EXOC6: variants seen among roughly 807,000 people sequenced by gnomAD.
EXOC6 encodes the protein SEC15-like 1.
In EXOC6, 60 loss-of-function variants were observed where a neutral mutation model predicts 112.5. That is an observed-to-expected ratio of 0.53 (90% CI 0.43 to 0.66). EXOC6 has a LOEUF of 0.66. Ranked by LOEUF, EXOC6 falls within the 30% of genes least tolerant of loss-of-function variation. The pLI is 0.00. For missense variants in EXOC6, 855 were observed against 957.1 expected (o/e 0.89, Z 1.41); for synonymous variants, 295 against 308.0 (o/e 0.96, Z 0.44).
At chr10:92,969,359 T>C (rs1267241804) in intron 17 of EXOC6, among the ~76,000 whole-genome samples, 1 of 152,132 alleles carries the variant, frequency 6.6e-6, no homozygotes, top group Admixed American at 6.5e-5. Flanking sequence ...TATTGAGTCT[T>C]ATTGCCAGCC....
intron 5 of EXOC6, among the ~76,000 whole-genome samples, chr10:92,905,824 T>C (rs1363970358): frequency 6.6e-6 from 1 of 152,124 alleles, no homozygotes; most frequent in Non-Finnish European, 1.5e-5. Flanking sequence ...AGTTGTTGGA[T>C]GAAGTATTCT....
chr10:92,949,153 CTTT>C (rs1403970771), intron 14 of EXOC6, among the ~76,000 whole-genome samples: 2 of 152,072 alleles, frequency 1.3e-5, no homozygotes, highest in African/African-American at 2.4e-5. Flanking sequence ...CCTTACTCTT[CTTT>C]ATTATTTTCC....
chr10:92,932,310 C>T (rs1852087172), intron 9 of EXOC6, among the ~76,000 whole-genome samples: 2 of 152,062 alleles, frequency 1.3e-5, no homozygotes, highest in East Asian at 3.9e-4. Context: ...GGATAATTCT[C>T]TACAAAAGAG....
chr10:92,956,836 A>G (rs1339495954), intron 17 of EXOC6, among the ~76,000 whole-genome samples: 2 of 152,114 alleles, frequency 1.3e-5, no homozygotes, highest in African/African-American at 2.4e-5. Flanking sequence ...CTTTAATGTA[A>G]ATGATTCCAG....
In EXOC6 at chr10:92,921,551, T is replaced by G. The variant is rs529841705; in HGVS notation, c.888+1501T>G. On this transcript the variant is annotated intron_variant, in intron 8 of 21. Coordinates refer to ENST00000260762, the MANE Select transcript of EXOC6 (RefSeq NM_019053.6). The stretch of plus-strand genomic sequence containing the variant: ...GTGTGAGCCACCTAGCCCAGCCTAT[T>G]TTCTTAGTATTAGCCCTGAGGATTG... 3.9e-5 allele frequency among the ~76,000 whole-genome samples: 6 copies of G among 152,094 alleles called. No homozygotes were observed. In the South Asian group the frequency reaches 1.2e-3, roughly 32 times the overall value.
intron 19 of EXOC6, among the ~76,000 whole-genome samples, chr10:93,008,448 A>AG (rs201072814): frequency 5.9e-5 from 9 of 152,206 alleles, no homozygotes; most frequent in South Asian, 4.2e-4. Context: ...ACACCATAAT[A>AG]GGGGGGGAAG....
chr10:92,909,716 T>A, intron 6 of EXOC6, 85 bp downstream of exon 6: 1 of 782,052 alleles, frequency 1.3e-6, no homozygotes, highest in East Asian at 2.8e-5. Flanking sequence ...TTAACTTACA[T>A]AAAATGCTTA....
At chr10:92,916,679 C>T (rs10786061) in intron 7 of EXOC6, among the ~76,000 whole-genome samples, 43,809 of 152,112 alleles carry the variant, frequency 0.29, 7,139 homozygotes, top group East Asian at 0.73. Flanking sequence ...AAAACCCTAA[C>T]CTCCTTTGTT....
upstream of EXOC6, among the ~76,000 whole-genome samples, chr10:92,834,486 A>G (rs112465063): frequency 2.1e-3 from 313 of 152,304 alleles, no homozygotes; most frequent in Middle Eastern, 3.4e-3. Context: ...AACTTTCCGA[A>G]CTGTGTCAAG....
chr10:92,914,555 A>G lies in EXOC6; in HGVS notation c.664-1203A>G, dbSNP rs145102333. ...TGGGAAACAATACTCTAAATAAATG[A>G]TTTTATACTCTGAGGACAGAAAATC... On this transcript the variant is annotated intron_variant, in intron 6 of 21. Transcript: ENST00000260762. 5.4e-3 allele frequency among the ~76,000 whole-genome samples: 815 copies of G among 152,322 alleles called. 2 individuals are homozygous for G. The highest frequency in any genetic ancestry group is 9.3e-3 in the Non-Finnish European group (632 of 68,030).
chr10:93,047,093 G>A (rs1182174690), intron 20 of EXOC6, among the ~76,000 whole-genome samples: 1 of 152,210 alleles, frequency 6.6e-6, no homozygotes, highest in Non-Finnish European at 1.5e-5. Flanking sequence ...TCAAATTTGT[G>A]TTTTAGCTAG....
chr10:92,929,641 TAAAG>T (rs1851917220), intron 9 of EXOC6, among the ~76,000 whole-genome samples: 1 of 152,148 alleles, frequency 6.6e-6, no homozygotes, highest in South Asian at 2.1e-4. Context: ...ACAGAAACTA[TAAAG>T]AATGACCAAA....
chr10:92,874,410 CT>C (rs1338044054), intron 1 of EXOC6, among the ~76,000 whole-genome samples: 2 of 142,976 alleles, frequency 1.4e-5, no homozygotes, highest in Non-Finnish European at 3.1e-5. Flanking sequence ...GCTTCCCATT[CT>C]TTATATTGTG....
chr10:92,930,506 A>ATAG (rs1428102907), intron 9 of EXOC6, among the ~76,000 whole-genome samples: 1 of 150,926 alleles, frequency 6.6e-6, no homozygotes, highest in African/African-American at 2.4e-5. Context: ...TCTGTCTCAA[A>ATAG]TAATAATAAT....
intron 20 of EXOC6, among the ~76,000 whole-genome samples, chr10:93,035,303 T>G (rs1845466611): frequency 6.6e-6 from 1 of 152,252 alleles, no homozygotes; most frequent in South Asian, 2.1e-4. Flanking sequence ...AACTTTGAAC[T>G]CAAATTTTTA....
chr10:93,010,350 C>T (rs546688034), intron 19 of EXOC6, among the ~76,000 whole-genome samples: 1 of 152,174 alleles, frequency 6.6e-6, no homozygotes, highest in South Asian at 2.1e-4. Context: ...TGCCAGAAAA[C>T]CTGAATTAGT....
intron 1 of EXOC6, among the ~76,000 whole-genome samples, chr10:92,891,574 CG>C (rs1452287740): frequency 1.3e-5 from 2 of 152,080 alleles, no homozygotes; most frequent in Non-Finnish European, 2.9e-5. Flanking sequence ...CTCTGCCTCC[CG>C]GGTTCAAGCG....
chr10:92,864,041 A>G (rs549237042), intron 1 of EXOC6, among the ~76,000 whole-genome samples: 1 of 152,262 alleles, frequency 6.6e-6, no homozygotes, highest in East Asian at 1.9e-4. Context: ...ATAAACATAG[A>G]TAACTTGATT....
chr10:92,893,025 T>TA (rs1352633175), intron 1 of EXOC6, among the ~76,000 whole-genome samples: 2 of 152,210 alleles, frequency 1.3e-5, no homozygotes, highest in Non-Finnish European at 2.9e-5. Context: ...AGTTTGTTCA[T>TA]TCATTCTTTA....
Sources: allele counts gnomAD v4.1 joint callset (sites outside exome capture counted in the v4.1 genomes callset), GRCh38; gene constraint gnomAD v4.1.1; transcripts MANE v1.5; gene names NCBI Gene and HGNC (gene_info 2026-07-23, HGNC 2026-07-21).